UBE3A: variants seen among roughly 807,000 people sequenced by gnomAD.
UBE3A encodes ubiquitin-protein ligase E3A.
Under a neutral mutation model 83.4 loss-of-function variants are expected in UBE3A, and 6 were observed. That is an observed-to-expected ratio of 0.07 (90% CI 0.04 to 0.14). The LOEUF is 0.14. Ranked by LOEUF, UBE3A falls within the 10% of genes least tolerant of loss-of-function variation. UBE3A has a pLI of 1.00. For missense variants in UBE3A, 456 were observed against 1,036.1 expected, an observed-to-expected ratio of 0.44 and a Z score of 7.69; for synonymous variants, 337 against 355.4, an observed-to-expected ratio of 0.95 and a Z score of 0.58.
chr15:25,434,864 A>G (rs569888270), intron 1 of UBE3A, among the ~76,000 whole-genome samples: 1 of 152,274 alleles, frequency 6.6e-6, no homozygotes, highest in East Asian at 1.9e-4. Context: ...CTACTCAGGT[A>G]GCATCTATCC....
intron 1 of UBE3A, among the ~76,000 whole-genome samples, chr15:25,437,798 A>G (rs1290485904): frequency 2.0e-5 from 3 of 152,124 alleles, no homozygotes; most frequent in African/African-American, 7.2e-5. Flanking sequence ...TACCAACAAA[A>G]GCCTTTACCA....
rs749643307 is a variant in UBE3A, at chr15:25,356,908, G to A, written c.1754-12C>T. The A allele has an allele frequency of 2.5e-6, 4 of 1,601,964 alleles. No individual in the cohort carries two copies. Among genetic ancestry groups the A allele is most frequent in the Non-Finnish European group, 8.5e-7 (1 of 1,170,220 alleles). On this transcript the variant is annotated splice_polypyrimidine_tract_variant and intron_variant, in intron 7 of 12. Coordinates refer to ENST00000648336, the MANE Select transcript of UBE3A (RefSeq NM_130839.5). ...GTATGTGAACATACCTATAAGAAATGATTTTTAAAAATACATTACTTTTGT... is the reference window on the plus strand; with the variant it reads ...GTATGTGAACATACCTATAAGAAATAATTTTTAAAAATACATTACTTTTGT...
At chr15:25,356,207 C>A in intron 8 of UBE3A, 151 bp from the exon 9 acceptor site, 1 of 945,612 alleles carries the variant, frequency 1.1e-6, no homozygotes, top group South Asian at 1.5e-5. Flanking sequence ...CAAATAGTTT[C>A]CAACCTATAA....
chr15:25,399,716 A>G (rs1447121057), intron 4 of UBE3A, among the ~76,000 whole-genome samples: 3 of 150,996 alleles, frequency 2.0e-5, no homozygotes, highest in Admixed American at 6.6e-5. Flanking sequence ...CTACAGATAC[A>G]CAGCACCGCG....
intron 7 of UBE3A, 112 bp downstream of exon 7, chr15:25,360,271 C>G (rs1409252465): frequency 6.9e-7 from 1 of 1,456,980 alleles, no homozygotes; most frequent in African/African-American, 1.4e-5. Flanking sequence ...TAATCCATAC[C>G]AAATCCTTCT....
At chr15:25,395,468 G>T (rs190983327) in intron 4 of UBE3A, among the ~76,000 whole-genome samples, 3 of 152,262 alleles carry the variant, frequency 2.0e-5, no homozygotes, top group African/African-American at 7.2e-5. Flanking sequence ...TGGGTATTTG[G>T]AAGGTGTAGC....
In UBE3A at chr15:25,336,668, A is replaced by G. The variant is rs1247668957; in HGVS notation, c.*2469T>C. 6.6e-6 allele frequency: 1 copy of G among 152,176 alleles called. No individual in the cohort carries two copies. Among genetic ancestry groups the G allele is most frequent in the African/African-American group, 2.4e-5 (1 of 41,450 alleles). 9.4% of individuals were successfully genotyped at this position (152,176 alleles called of 1,614,324 possible). On this transcript the variant is annotated 3_prime_UTR_variant, in exon 13 of 13. Transcript: ENST00000648336. The stretch of plus-strand genomic sequence containing the variant: ...TTGCTGGAGCTGCCAAGGTCCAGAA[A>G]AGTTTGGCTGCAGGCTGTTTTCATG...
intron 4 of UBE3A, among the ~76,000 whole-genome samples, chr15:25,392,873 A>C (rs578212184): frequency 6.6e-6 from 1 of 152,346 alleles, no homozygotes; most frequent in South Asian, 2.1e-4. Flanking sequence ...CTCAATAGCC[A>C]TGATAAGTAA....
intron 6 of UBE3A, among the ~76,000 whole-genome samples, chr15:25,362,513 G>C (rs993780094): frequency 6.6e-6 from 1 of 152,108 alleles, no homozygotes; most frequent in East Asian, 1.9e-4. Flanking sequence ...ATATGAGAAC[G>C]AGTGTTACCT....
In UBE3A at chr15:25,364,641, G is replaced by GTTTTTT. The variant is rs1260418313; in HGVS notation, c.1609-4115_1609-4114insAAAAAA. Among the ~76,000 whole-genome samples the GTTTTTT allele has an allele frequency of 1.5e-4, 20 of 132,492 alleles. 1 individual carries two copies. Among genetic ancestry groups the GTTTTTT allele is most frequent in the African/African-American group, 5.9e-4 (19 of 32,470 alleles). 86.9% of individuals were successfully genotyped at this position (132,492 alleles called of 152,430 possible). ...CACGTGGATTTTTAGGGTTTTTTTT[G>GTTTTTT]TTTGTTTTTTTTTTTTTTTTGAGAC... On this transcript the variant is annotated intron_variant, in intron 6 of 12. Transcript: ENST00000648336.
intron 6 of UBE3A, among the ~76,000 whole-genome samples, chr15:25,364,887 C>A (rs2078825347): frequency 6.6e-6 from 1 of 151,814 alleles, no homozygotes; most frequent in Non-Finnish European, 1.5e-5. Context: ...ACCTTGTGAT[C>A]TGCCCGCCTT....
chr15:25,344,750 TAATC>T (rs751270980), intron 11 of UBE3A, among the ~76,000 whole-genome samples: 2 of 152,146 alleles, frequency 1.3e-5, no homozygotes, highest in African/African-American at 2.4e-5. Flanking sequence ...TTTTTCAAGG[TAATC>T]AAATGGCACC....
In UBE3A at chr15:25,370,688, T is replaced by C; in HGVS notation, c.1486A>G (p.Ile496Val). 1 of 1,614,150 alleles carries C rather than the reference T, an allele frequency of 6.2e-7. No homozygotes were observed. The highest frequency in any genetic ancestry group is 8.5e-7 in the Non-Finnish European group (1 of 1,180,008). Residue 496 changes from isoleucine (I) to valine (V), a missense_variant, in exon 6 of 13, where the codon ATT (isoleucine) becomes GTT (valine). Around this residue, in one of 13 missense-constraint regions of UBE3A, gnomAD observed 58 missense variants for 237.1 expected, o/e 0.24. Transcript: ENST00000648336. The surrounding 1 kb of genome is among the most constrained non-coding windows in gnomAD (Gnocchi z 4.2). ...ATTCTTCGTTCACTGTACATGCGAA[T>C]TCTATTGTCATAATATAATCCCAAA... ...KNLGLYYDNR[I>V]RMYSERRITV...
At chr15:25,395,597 T>C (rs975862758) in intron 4 of UBE3A, among the ~76,000 whole-genome samples, 8 of 152,192 alleles carry the variant, frequency 5.3e-5, no homozygotes, top group Admixed American at 4.6e-4. Flanking sequence ...CAAAATATTA[T>C]GAGAGACGTA....
chr15:25,421,331 C>G (rs1319978275), intron 1 of UBE3A, among the ~76,000 whole-genome samples: 2 of 152,226 alleles, frequency 1.3e-5, no homozygotes, highest in Non-Finnish European at 2.9e-5. Context: ...CATGCTTGTA[C>G]AGCCTGCAGC....
rs1334570959 is a variant in UBE3A, at chr15:25,335,865, C to T, written c.*3272G>A. ...AGTATCCATCTAAAATCTGGGTAAA[C>T]TGGGATGGAAAAACAAGTAGCCAGA... On this transcript the variant is annotated 3_prime_UTR_variant, in exon 13 of 13. Transcript: ENST00000648336. 6.6e-6 allele frequency: 1 copy of T among 152,084 alleles called. No homozygotes were observed. Among genetic ancestry groups the T allele is most frequent in the Non-Finnish European group, 1.5e-5 (1 of 68,044 alleles). The allele number at this position is 152,084 out of a possible 1,614,324, so 9.4% of individuals were successfully genotyped here.
chr15:25,412,152 GCC>G (rs2090118660), intron 1 of UBE3A, among the ~76,000 whole-genome samples, 181 bp from the exon 2 acceptor site: 1 of 152,052 alleles, frequency 6.6e-6, no homozygotes, highest in Non-Finnish European at 1.5e-5. Context: ...AGGTAGGCAG[GCC>G]CTGTGGCCTG....
At chr15:25,357,763 C>T (rs943219747) in intron 7 of UBE3A, among the ~76,000 whole-genome samples, 1 of 152,088 alleles carries the variant, frequency 6.6e-6, no homozygotes, top group African/African-American at 2.4e-5. Context: ...AATACATAAA[C>T]CTGGATAAAT....
At chr15:25,433,259 C>A (rs1015602204) in intron 1 of UBE3A, among the ~76,000 whole-genome samples, 2 of 151,416 alleles carry the variant, frequency 1.3e-5, no homozygotes, top group South Asian at 4.2e-4. Flanking sequence ...TCTTGGCTCA[C>A]TGCAACCTCC....
Sources: allele counts gnomAD v4.1 joint callset (sites outside exome capture counted in the v4.1 genomes callset), GRCh38; gene constraint gnomAD v4.1.1; regional missense constraint gnomAD v4.1.1; non-coding constraint Gnocchi (gnomAD v3.1); transcripts MANE v1.5; gene names NCBI Gene and HGNC (gene_info 2026-07-23, HGNC 2026-07-21).